Variants in DPP10 observed in about 807,000 individuals in gnomAD.
DPP10 encodes the protein inactive dipeptidyl peptidase 10.
Under a neutral mutation model 120.9 loss-of-function variants are expected in DPP10, and 33 were observed. The ratio of observed to expected loss-of-function variants is 0.27; its 90% confidence interval spans 0.21 to 0.37. The LOEUF is 0.37. DPP10 is among the 10% of genes least tolerant of loss of function. The pLI is 1.00. For missense variants in DPP10, 816 were observed against 942.8 expected (o/e 0.87, Z 1.76); for synonymous variants, 337 against 326.1 (o/e 1.03, Z -0.36).
chr2:114,970,389 C>T (rs1198898549), intron 1 of DPP10, among the ~76,000 whole-genome samples: 1 of 152,070 alleles, frequency 6.6e-6, no homozygotes, highest in Non-Finnish European at 1.5e-5. Context: ...TTAAAAGCCC[C>T]ACCTTATAAG....
At chr2:115,506,857 C>A (rs1014386879) in intron 4 of DPP10, among the ~76,000 whole-genome samples, 9 of 152,162 alleles carry the variant, frequency 5.9e-5, no homozygotes, top group African/African-American at 1.9e-4. Flanking sequence ...GTTTACATAG[C>A]TTTGTTTGCC....
chr2:115,443,386 A>G (rs1215802063), intron 3 of DPP10, among the ~76,000 whole-genome samples: 1 of 152,200 alleles, frequency 6.6e-6, no homozygotes, highest in Non-Finnish European at 1.5e-5. Flanking sequence ...ATGGACTGTG[A>G]AACACTGTAG....
At chr2:114,635,717 G>A (rs1695253861) in intron 1 of DPP10, among the ~76,000 whole-genome samples, 1 of 151,630 alleles carries the variant, frequency 6.6e-6, no homozygotes, top group African/African-American at 2.4e-5. Context: ...AAATTGTTCA[G>A]GACTCCAAAG....
chr2:115,285,875 T>A (rs1219230430), intron 1 of DPP10, among the ~76,000 whole-genome samples: 5 of 152,050 alleles, frequency 3.3e-5, no homozygotes, highest in Admixed American at 3.3e-4. Context: ...TAATGATAGA[T>A]TGTAGTTAAT....
At chr2:115,265,943 CA>C (rs397985556) in intron 1 of DPP10, among the ~76,000 whole-genome samples, 6,678 of 78,296 alleles carry the variant, frequency 0.085, 148 homozygotes, top group Admixed American at 0.1. Flanking sequence ...GACTCTATTT[CA>C]AAAAAAAAAA....
intron 1 of DPP10, among the ~76,000 whole-genome samples, chr2:115,089,058 C>T (rs1213822169): frequency 6.6e-6 from 1 of 152,052 alleles, no homozygotes; most frequent in Non-Finnish European, 1.5e-5. Context: ...TATCTTCTGT[C>T]CTAAATTTTT....
intron 1 of DPP10, among the ~76,000 whole-genome samples, chr2:115,119,676 A>G (rs1215182788): frequency 1.3e-5 from 2 of 152,178 alleles, no homozygotes; most frequent in African/African-American, 4.8e-5. Flanking sequence ...GGAGAAGGGC[A>G]GGAATTCCAC....
In DPP10 at chr2:115,689,813, A is replaced by G. The variant is rs766695627; in HGVS notation, c.495-27A>G. 3.1e-6 allele frequency: 5 copies of G among 1,611,196 alleles called. No individual in the cohort carries two copies. The South Asian group carries it at 3.3e-5, about 11-fold the overall frequency. On this transcript the variant is annotated intron_variant, in intron 6 of 25. Transcript: ENST00000410059. ...TGTTGGTGTAGATATCAGTTTGTTC[A>G]TGTAAAAATATTCACATTTTTTCAA...
intron 1 of DPP10, among the ~76,000 whole-genome samples, chr2:114,515,482 T>C (rs1684519216): frequency 6.6e-6 from 1 of 151,992 alleles, no homozygotes; most frequent in Non-Finnish European, 1.5e-5. Context: ...AGTCTGAAAC[T>C]GATTTTCCTA....
At chr2:114,644,982 A>T (rs1003814886) in intron 1 of DPP10, among the ~76,000 whole-genome samples, 1 of 151,916 alleles carries the variant, frequency 6.6e-6, no homozygotes, top group Non-Finnish European at 1.5e-5. Flanking sequence ...ACAAAGAAAA[A>T]TTAAGGCCTT....
At chr2:114,615,126 C>A (rs1693581625) in intron 1 of DPP10, among the ~76,000 whole-genome samples, 1 of 152,098 alleles carries the variant, frequency 6.6e-6, no homozygotes, top group South Asian at 2.1e-4. Context: ...ATTAGATGTA[C>A]AAATCTTATT....
chr2:114,887,935 C>G (rs184393121), intron 1 of DPP10, among the ~76,000 whole-genome samples: 2 of 151,854 alleles, frequency 1.3e-5, no homozygotes, highest in African/African-American at 4.8e-5. Flanking sequence ...GTCAGGAGAT[C>G]GAGACCATCC....
intron 1 of DPP10, among the ~76,000 whole-genome samples, chr2:115,244,237 TATAG>T (rs1468440774): frequency 0.015 from 1,022 of 67,032 alleles, 7 homozygotes; most frequent in Admixed American, 0.035. Context: ...TATATATATA[TATAG>T]AGAGAGAGAG....
At chr2:115,654,020 A>C (rs2149386075) in intron 5 of DPP10, among the ~76,000 whole-genome samples, 1 of 152,008 alleles carries the variant, frequency 6.6e-6, no homozygotes, top group Middle Eastern at 3.4e-3. Flanking sequence ...TAAGAATAAA[A>C]ATTTTAAAAT....
intron 1 of DPP10, among the ~76,000 whole-genome samples, chr2:114,994,419 A>G (rs1018233850): frequency 6.6e-6 from 1 of 152,172 alleles, no homozygotes; most frequent in African/African-American, 2.4e-5. Flanking sequence ...AACATTGTGA[A>G]GCTGTAGAAC....
At chr2:115,079,154 G>A (rs912383708) in intron 1 of DPP10, among the ~76,000 whole-genome samples, 1 of 152,180 alleles carries the variant, frequency 6.6e-6, no homozygotes, top group Non-Finnish European at 1.5e-5. Context: ...GCTGAGGCGG[G>A]TGGATCGTGA....
At chr2:114,897,491 A>G (rs1230767981) in intron 1 of DPP10, among the ~76,000 whole-genome samples, 4 of 152,242 alleles carry the variant, frequency 2.6e-5, no homozygotes, top group Admixed American at 2.6e-4. Flanking sequence ...GCCAAAATTG[A>G]CAAATGTGAT....
intron 8 of DPP10, among the ~76,000 whole-genome samples, chr2:115,729,811 AG>A (rs1425923326): frequency 6.0e-4 from 2 of 3,316 alleles, no homozygotes; most frequent in African/African-American, 1.4e-3. Flanking sequence ...AGAGAGAGAG[AG>A]AGAAGAGAGA....
At chr2:114,540,520 A>G (rs546460368) in intron 1 of DPP10, among the ~76,000 whole-genome samples, 5 of 152,362 alleles carry the variant, frequency 3.3e-5, no homozygotes, top group East Asian at 3.9e-4. Context: ...TCACCTAGTG[A>G]AAGTCATTAT....
Sources: allele counts gnomAD v4.1 joint callset (sites outside exome capture counted in the v4.1 genomes callset), GRCh38; gene constraint gnomAD v4.1.1; transcripts MANE v1.5; gene names NCBI Gene and HGNC (gene_info 2026-07-23, HGNC 2026-07-21).